Variants in PRKACB observed in about 807,000 individuals in gnomAD.
PRKACB encodes cAMP-dependent protein kinase catalytic subunit beta.
A neutral mutation model predicts 51.4 loss-of-function variants in PRKACB; 16 were observed. That is an observed-to-expected ratio of 0.31 (90% CI 0.21 to 0.47). The LOEUF is 0.47. PRKACB is among the 20% of genes least tolerant of loss of function. The pLI is 1.00. For missense variants in PRKACB, 309 were observed against 464.5 expected, an observed-to-expected ratio of 0.67 and a Z score of 3.08; for synonymous variants, 147 against 154.4, an observed-to-expected ratio of 0.95 and a Z score of 0.35.
At chr1:84,085,975 GC>G (rs1209765063) in intron 1 of PRKACB, 1 of 711,340 alleles carries the variant, frequency 1.4e-6, no homozygotes, top group Non-Finnish European at 2.6e-6. Flanking sequence ...AGACGCCAGT[GC>G]TTGTGGATTT....
rs187705116 is a variant in PRKACB, at chr1:84,183,465, T to G, written c.379-572T>G. ...AAAATAAATTTTTAGAATTTATACCTATATTTATTTAGATATTATAAAATG... is the reference window on the plus strand; with the variant it reads ...AAAATAAATTTTTAGAATTTATACCGATATTTATTTAGATATTATAAAATG... On this transcript the variant is annotated intron_variant, in intron 3 of 9. Transcript: ENST00000370685. Among the ~76,000 whole-genome samples the G allele has an allele frequency of 1.4e-3, 220 of 151,928 alleles. 1 individual carries two copies. Among genetic ancestry groups the G allele is most frequent in the Admixed American group, 0.014 (208 of 15,230 alleles).
intron 1 of PRKACB, among the ~76,000 whole-genome samples, chr1:84,119,313 A>G (rs1650871851): frequency 6.6e-6 from 1 of 152,140 alleles, no homozygotes; most frequent in Non-Finnish European, 1.5e-5. Flanking sequence ...CTTTAAGAAC[A>G]AGGAGTCCAG....
At chr1:84,171,473 T>C (rs1659448271) in intron 1 of PRKACB, among the ~76,000 whole-genome samples, 1 of 151,654 alleles carries the variant, frequency 6.6e-6, no homozygotes, top group South Asian at 2.1e-4. Flanking sequence ...ATACAAGTTT[T>C]AGGAAACCTT....
intron 1 of PRKACB, among the ~76,000 whole-genome samples, chr1:84,125,547 G>A (rs1651509898): frequency 6.6e-6 from 1 of 152,138 alleles, no homozygotes; most frequent in Non-Finnish European, 1.5e-5. Flanking sequence ...AATAGGGGGA[G>A]CATTCTGCTT....
Position 84,202,814 on chromosome 1 carries a change from A to G in PRKACB, c.906+9A>G, listed in dbSNP as rs1220356443. On this transcript the variant is annotated intron_variant, in intron 8 of 9. Transcript: ENST00000370685. The stretch of plus-strand genomic sequence containing the variant: ...AGATTGTTTCTGGAAAGGTAAGTAA[A>G]ACATTTTATTATTCCTCTCTTATTA... 5.0e-6 allele frequency: 8 copies of G among 1,589,992 alleles called. No homozygotes were observed. Among genetic ancestry groups the G allele is most frequent in the Non-Finnish European group, 6.9e-6 (8 of 1,160,734 alleles).
rs2101736057 is a variant in PRKACB at position 84,235,571 on chromosome 1, C to G, written c.*266C>G. 6.2e-6 allele frequency: 2 copies of G among 322,642 alleles called. No homozygotes were observed. Among genetic ancestry groups the G allele is most frequent in the East Asian group, 1.3e-4 (2 of 15,374 alleles). 20.0% of individuals were successfully genotyped at this position (322,642 alleles called of 1,614,324 possible). A position where few individuals can be genotyped will look rare whatever the true frequency, so the allele number is the denominator to read the frequency against. On this transcript the variant is annotated 3_prime_UTR_variant, in exon 10 of 10. Transcript: ENST00000370685. ...GGGTTGTCTTTCTCCTCTCCTATAT[C>G]CATTTCTTCCTTTTCCAATTTCATT...
At position 84,164,473 on chromosome 1, in the gene PRKACB, A is replaced by T. The variant is rs565439699; in HGVS notation, c.188-14704A>T. On this transcript the variant is annotated intron_variant, in intron 1 of 9. Coordinates refer to ENST00000370685, the MANE Select transcript of PRKACB (RefSeq NM_182948.4). ...TTTTTCATATCTTTGAAAGATGTAA[A>T]AAGCGTAGATTAGTGCTTAAATTTA... 10 of 1,547,884 alleles carry T rather than the reference A, an allele frequency of 6.5e-6. No individual in the cohort carries two copies. The African/African-American group carries it at 8.2e-5, about 13-fold the overall frequency.
intron 1 of PRKACB, chr1:84,174,975 A>C: frequency 7.1e-7 from 1 of 1,404,704 alleles, no homozygotes; most frequent in Non-Finnish European, 9.4e-7. Context: ...TGGTGACTTC[A>C]TGCTAATATG....
intron 1 of PRKACB, among the ~76,000 whole-genome samples, chr1:84,137,541 G>A (rs536180943): frequency 7.2e-5 from 11 of 152,278 alleles, no homozygotes; most frequent in African/African-American, 2.6e-4. Context: ...ATGGATCTGA[G>A]GATGGAATGC....
chr1:84,159,773 C>T (rs914975109), intron 1 of PRKACB, among the ~76,000 whole-genome samples: 6 of 151,980 alleles, frequency 3.9e-5, no homozygotes, highest in African/African-American at 1.4e-4. Flanking sequence ...TTCTAGTCCT[C>T]GTTGTTGAGA....
At position 84,156,457 on chromosome 1, in the gene PRKACB, AT is replaced by A. The variant is rs1040999641; in HGVS notation, c.187+11910del. Among the ~76,000 whole-genome samples the A allele has an allele frequency of 1.5e-4, 23 of 152,232 alleles. 1 individual carries two copies. Among genetic ancestry groups the A allele is most frequent in the African/African-American group, 4.8e-4 (20 of 41,554 alleles). On this transcript the variant is annotated intron_variant, in intron 1 of 9. Transcript: ENST00000370685. ...ACAGGATGATTCACTCTTCAGTATT[AT>A]GTTCATTCAAAGGTTATGTCAAAGG...
Position 84,184,028 on chromosome 1 carries a change from C to A in PRKACB, c.379-9C>A, listed in dbSNP as rs1341478270. On this transcript the variant is annotated splice_polypyrimidine_tract_variant and intron_variant, in intron 3 of 9. Transcript: ENST00000370685. ...AATACATTAAGAGATATTTATCTCT[C>A]AATTACAGGTTGTTAAACTGAAGCA... The A allele has an allele frequency of 1.3e-6, 2 of 1,565,106 alleles. No individual in the cohort carries two copies. Among genetic ancestry groups the A allele is most frequent in the Admixed American group, 1.9e-5 (1 of 51,734 alleles).
chr1:84,202,076 A>G (rs1464539149), intron 7 of PRKACB, among the ~76,000 whole-genome samples: 1 of 152,088 alleles, frequency 6.6e-6, no homozygotes, highest in Non-Finnish European at 1.5e-5. Flanking sequence ...AAGACAGTAG[A>G]TAGCAGAAGT....
intron 1 of PRKACB, among the ~76,000 whole-genome samples, chr1:84,126,770 C>T (rs1651654831): frequency 6.6e-6 from 1 of 151,808 alleles, no homozygotes; most frequent in South Asian, 2.1e-4. Flanking sequence ...TTCACATGCT[C>T]AAGCCAAAAA....
intron 9 of PRKACB, among the ~76,000 whole-genome samples, chr1:84,227,462 G>A (rs74928807): frequency 0.025 from 3,878 of 152,096 alleles, 171 homozygotes; most frequent in African/African-American, 0.088. Flanking sequence ...AAGATTTATG[G>A]TGTATTTGAA....
At chr1:84,131,534 G>A (rs1231415280) in intron 1 of PRKACB, among the ~76,000 whole-genome samples, 1 of 152,140 alleles carries the variant, frequency 6.6e-6, no homozygotes, top group Non-Finnish European at 1.5e-5. Flanking sequence ...TTTCAGCAGT[G>A]ACATGTAAAG....
At chr1:84,179,878 T>C (rs1426849041) in intron 2 of PRKACB, among the ~76,000 whole-genome samples, 1 of 151,286 alleles carries the variant, frequency 6.6e-6, no homozygotes, top group Non-Finnish European at 1.5e-5. Context: ...AAATATGCCA[T>C]GGTGGTTGCT....
At chr1:84,202,450 A>T (rs1670401392) in intron 7 of PRKACB, among the ~76,000 whole-genome samples, 1 of 152,062 alleles carries the variant, frequency 6.6e-6, no homozygotes, top group Admixed American at 6.6e-5. Context: ...TAGGAAGAAG[A>T]TTTAATACTC....
chr1:84,164,920 T>C, intron 1 of PRKACB: 2 of 1,512,796 alleles, frequency 1.3e-6, no homozygotes, highest in Non-Finnish European at 1.8e-6. Context: ...ACACCATCGG[T>C]TCTTCTCCCT....
Sources: gnomAD v4.1 joint callset for allele counts (sites outside exome capture counted in the v4.1 genomes callset) on GRCh38, gnomAD v4.1.1 for gene constraint, MANE v1.5 for transcripts, NCBI Gene and HGNC (gene_info 2026-07-23, HGNC 2026-07-21) for gene names.